OGG1: variants seen among roughly 807,000 people sequenced by gnomAD.
The protein encoded by OGG1 is N-glycosylase/DNA lyase.
In OGG1, 35 loss-of-function variants were observed where a neutral mutation model predicts 42.3. The observed-to-expected ratio is 0.83, with a 90% confidence interval of 0.63 to 1.10. The LOEUF is 1.10. Ranked by LOEUF, OGG1 falls within the 50% of genes least tolerant of loss-of-function variation. The probability of loss-of-function intolerance (pLI) is 0.00; values close to 1 mark genes in which losing one functional copy is unlikely to be tolerated. For synonymous variants in OGG1, 189 were observed against 179.0 expected (o/e 1.06, Z -0.44); for missense variants, 484 against 446.7 (o/e 1.08, Z -0.75).
At chr3:9,785,828 C>T (rs867912406) in intron 3 of OGG1, among the ~76,000 whole-genome samples, 2 of 152,132 alleles carry the variant, frequency 1.3e-5, no homozygotes, top group Admixed American at 6.5e-5. Context: ...CTCTTGCAGG[C>T]GGGTATGGTC....
chr3:9,755,655 G>A (rs2077511094), intron 4 of OGG1, among the ~76,000 whole-genome samples: 1 of 151,022 alleles, frequency 6.6e-6, no homozygotes, highest in Non-Finnish European at 1.5e-5. Context: ...GTAGAGATGG[G>A]GTTTCACCAT....
downstream of OGG1, among the ~76,000 whole-genome samples, chr3:9,768,162 T>C (rs2078206686): frequency 3.9e-5 from 6 of 152,118 alleles, no homozygotes; most frequent in Middle Eastern, 3.4e-3. Context: ...CCAGAACCAG[T>C]GATGTCCCCG....
chr3:9,767,598 C>T, downstream of OGG1: 1 of 1,594,074 alleles, frequency 6.3e-7, no homozygotes, highest in South Asian at 1.1e-5. Flanking sequence ...CATTAATTGA[C>T]CAGAGGAAGC....
intron 3 of OGG1, chr3:9,783,987 C>T (rs749971106): frequency 3.2e-6 from 5 of 1,582,910 alleles, no homozygotes; most frequent in Non-Finnish European, 4.3e-6. Context: ...GCCACAGCCT[C>T]CAAGGCCACC....
intron 7 of OGG1, chr3:9,763,325 C>A: frequency 7.2e-6 from 9 of 1,250,464 alleles, no homozygotes; most frequent in African/African-American, 3.1e-5. Context: ...CCCAGCAGTT[C>A]AAAGCTGCAG....
At chr3:9,787,981 G>C (rs1451326498) in exon 4 of OGG1, 2 of 332,490 alleles carry the variant, frequency 6.0e-6, no homozygotes, top group Non-Finnish European at 1.2e-5. Context: ...TACTTGGTGG[G>C]ACTGGTCAAC....
rs1384804466 is a variant in OGG1 at position 9,751,892 on chromosome 3, C to T, written c.508C>T (p.Leu170Phe). The change falls in exon 3 of 7, where the codon CTC (leucine) becomes TTC (phenylalanine). Residue 170 changes from leucine to phenylalanine, a missense_variant. Coordinates refer to ENST00000344629, the MANE Select transcript of OGG1 (RefSeq NM_002542.6). ...ERLCQAFGPR[L>F]IQLDDVTYHG... Reference sequence around the variant, plus strand: ...GCTGTGCCAGGCTTTTGGACCTCGGCTCATCCAGCTTGATGATGTCACCTA... The same window carrying T: ...GCTGTGCCAGGCTTTTGGACCTCGGTTCATCCAGCTTGATGATGTCACCTA... 1 of 1,614,088 alleles carries T rather than the reference C, an allele frequency of 6.2e-7. No homozygotes were observed. The highest frequency in any genetic ancestry group is 1.7e-5 in the Admixed American group (1 of 60,012).
At chr3:9,764,726 G>A (rs566785432) in intron 7 of OGG1, among the ~76,000 whole-genome samples, 5 of 145,924 alleles carry the variant, frequency 3.4e-5, no homozygotes, top group South Asian at 2.2e-4. Flanking sequence ...TCCACCTCTC[G>A]GGTTTAAGCA....
chr3:9,782,206 C>G (rs1001442171), intron 3 of OGG1, among the ~76,000 whole-genome samples: 5 of 152,204 alleles, frequency 3.3e-5, no homozygotes, highest in Admixed American at 2.0e-4. Flanking sequence ...CTCTGCTTCC[C>G]TCAGTGCCTC....
At chr3:9,789,469 CTT>C (rs761324188), downstream of OGG1, 1 of 1,583,780 alleles carries the variant, frequency 6.3e-7, no homozygotes, top group Non-Finnish European at 8.7e-7. Context: ...TCTGAACTCT[CTT>C]GTTCCGCATC....
At chr3:9,771,658 C>A (rs2078300830), downstream of OGG1, among the ~76,000 whole-genome samples, 1 of 152,058 alleles carries the variant, frequency 6.6e-6, no homozygotes, top group Non-Finnish European at 1.5e-5. Context: ...AAATACATTT[C>A]CTGCTCAGGG....
At chr3:9,765,979 C>T in exon 8 of OGG1, 1 of 1,614,240 alleles carries the variant, frequency 6.2e-7, no homozygotes, top group Non-Finnish European at 8.5e-7. Context: ...TCTGTGACCA[C>T]TGCTGGACCA....
chr3:9,777,111 G>A (rs2078374647), intron 2 of OGG1, among the ~76,000 whole-genome samples: 1 of 152,134 alleles, frequency 6.6e-6, no homozygotes, highest in Non-Finnish European at 1.5e-5. Context: ...ACCCACTGTG[G>A]GTCAGAGCTC....
chr3:9,765,870 A>G (rs893317804), exon 8 of OGG1: 1 of 1,613,844 alleles, frequency 6.2e-7, no homozygotes. Context: ...TTCTGCCAGG[A>G]TCACCTCCGA....
At chr3:9,750,497 AC>A in intron 1 of OGG1, 74 bp downstream of exon 1, 1 of 1,598,082 alleles carries the variant, frequency 6.3e-7, no homozygotes, top group Non-Finnish European at 8.5e-7. Context: ...GGCATGGGGT[AC>A]AAAGGAATTT....
downstream of OGG1, chr3:9,761,427 G>A (rs756777556): frequency 3.8e-6 from 6 of 1,585,956 alleles, no homozygotes; most frequent in South Asian, 6.8e-5. Context: ...GACAACTCTG[G>A]AGCCACAGCC....
intron 7 of OGG1, chr3:9,762,946 G>T (rs2077956819): frequency 6.2e-7 from 1 of 1,614,036 alleles, no homozygotes; most frequent in Admixed American, 1.7e-5. Context: ...CCCAGGTCAT[G>T]CAGGTATTTC....
chr3:9,762,984 C>A (rs758368101), intron 7 of OGG1: 1 of 1,614,048 alleles, frequency 6.2e-7, no homozygotes, highest in Admixed American at 1.7e-5. Flanking sequence ...GAAGATGAGG[C>A]GGCTGGCGTC....
downstream of OGG1, chr3:9,789,446 C>A (rs2078687941): frequency 3.4e-6 from 5 of 1,478,390 alleles, no homozygotes; most frequent in South Asian, 3.6e-5. Context: ...GGTAGCTTTA[C>A]TTCTCAGGCA....
Sources: allele counts gnomAD v4.1 joint callset (sites outside exome capture counted in the v4.1 genomes callset), GRCh38; gene constraint gnomAD v4.1.1; transcripts MANE v1.5; gene names NCBI Gene and HGNC (gene_info 2026-07-23, HGNC 2026-07-21).